Variants in THEMIS2 observed in about 807,000 individuals in gnomAD.
THEMIS2 encodes the protein thymocyte selection associated family member 2.
Under a neutral mutation model 46.8 loss-of-function variants are expected in THEMIS2, and 29 were observed. The ratio of observed to expected loss-of-function variants is 0.62; its 90% CI spans 0.46 to 0.84. The LOEUF (loss-of-function observed/expected upper bound fraction) is 0.84, where lower values mean the gene tolerates loss of function less well. Among genes scored for constraint, THEMIS2 ranks in the 40% least tolerant of loss-of-function variants. The probability of loss-of-function intolerance (pLI) is 0.00; values close to 1 mark genes in which losing one functional copy is unlikely to be tolerated. For synonymous variants in THEMIS2, 335 were observed against 349.1 expected, an observed-to-expected ratio of 0.96 and a Z score of 0.45; for missense variants, 698 against 834.7, an observed-to-expected ratio of 0.84 and a Z score of 2.02.
rs757941847 is a variant in THEMIS2, at chr1:27,879,903, G to T, written c.495G>T (p.Gly165=). The change falls in exon 3 of 6, where the codon GGG becomes GGT. Residue 165 remains glycine (G), a synonymous_variant. Coordinates refer to ENST00000373921, the MANE Select transcript of THEMIS2 (RefSeq NM_001105556.3). ...TGCACCTGCCCCTATCCCAGAAGGG[G>T]CCCTTCTGGACATGGGAGCCTAGTG... The part of the protein sequence containing the change: ...VILHLPLSQK[G]PFWTWEPSAP... 9 of 1,611,916 alleles carry T rather than the reference G, an allele frequency of 5.6e-6. No homozygotes were observed. Among genetic ancestry groups the T allele is most frequent in the Non-Finnish European group, 7.6e-6 (9 of 1,179,052 alleles).
intron 3 of THEMIS2, among the ~76,000 whole-genome samples, chr1:27,881,504 T>G (rs1348122460): frequency 6.7e-6 from 1 of 149,392 alleles, no homozygotes; most frequent in Non-Finnish European, 1.5e-5. Flanking sequence ...TGGCGTAGTG[T>G]AAATTGGAAG....
Position 27,882,481 on chromosome 1 carries a change from A to T in THEMIS2, c.1157A>T (p.Gln386Leu). 1.2e-6 allele frequency: 2 copies of T among 1,613,302 alleles called. No individual in the cohort carries two copies. The highest frequency in any genetic ancestry group is 1.7e-6 in the Non-Finnish European group (2 of 1,179,368). ...VLGPGQAHGAQGSDVDVLVCQ... is the reference protein window; with the variant it reads ...VLGPGQAHGALGSDVDVLVCQ... ...GGGCCTGGCCAGGCCCATGGGGCCC[A>T]GGGCAGTGACGTGGATGTCTTGGTT... The change falls in exon 4 of 6, where the codon CAG (glutamine) becomes CTG (leucine). Residue 386 changes from glutamine to leucine, a missense_variant. Physicochemically the swap from Gln to Leu is moderately radical, Grantham distance 113 (BLOSUM62 -2). Coordinates refer to ENST00000373921, the MANE Select transcript of THEMIS2 (RefSeq NM_001105556.3). This position sits in a 1 kb window ranked among gnomAD's most constrained non-coding sequence, Gnocchi z 7.6.
rs182323373 is a variant in THEMIS2, at chr1:27,874,096, G to A, written c.94+1431G>A. Among the ~76,000 whole-genome samples, 42 of 143,890 alleles carry A rather than the reference G, an allele frequency of 2.9e-4. 2 individuals are homozygous for A. The Admixed American group carries it at 2.9e-3, about 10-fold the overall frequency. The allele number at this position is 143,890 out of a possible 152,430, so 94.4% of individuals were successfully genotyped here. ...TGCCCAGGCTGGAGTGCAGTGGCAC[G>A]ATACAGCTCACTGCGGCCTCGACCT... is the stretch of plus-strand genomic sequence containing the variant. On this transcript the variant is annotated intron_variant, in intron 1 of 5. Transcript: ENST00000373921.
At chr1:27,873,979 C>T (rs1015719395) in intron 1 of THEMIS2, among the ~76,000 whole-genome samples, 1 of 144,128 alleles carries the variant, frequency 6.9e-6, no homozygotes, top group Non-Finnish European at 1.5e-5. Flanking sequence ...GGGCTGGCTG[C>T]GTGGTTGGTT....
chr1:27,885,889 A>G lies in THEMIS2; in HGVS notation c.1899A>G (p.Glu633=), dbSNP rs2089762937. Residue 633 remains glutamate, a synonymous_variant, in exon 6 of 6, where the codon GAA becomes GAG. Coordinates refer to ENST00000373921, the MANE Select transcript of THEMIS2 (RefSeq NM_001105556.3). ...QDLDDDEHDY[E]EILEQFQKTI is the part of the protein sequence containing the mutation. The stretch of plus-strand genomic sequence containing the variant: ...CAGATGATGATGAACATGATTATGA[A>G]GAAATACTTGAGCAATTTCAGAAAA... 1 of 1,613,964 alleles carries G rather than the reference A, an allele frequency of 6.2e-7. No individual in the cohort carries two copies. Among genetic ancestry groups the G allele is most frequent in the Non-Finnish European group, 8.5e-7 (1 of 1,180,028 alleles).
At chr1:27,877,819 T>G (rs1196448668) in intron 2 of THEMIS2, among the ~76,000 whole-genome samples, 2 of 152,066 alleles carry the variant, frequency 1.3e-5, no homozygotes, top group Non-Finnish European at 2.9e-5. Flanking sequence ...GAGGATGAAA[T>G]GAGCTGATAT....
chr1:27,885,405 CCACAGGAAGGGCCACAGG>C lies in THEMIS2; in HGVS notation c.1832_1849del (p.His611_Arg616del). The C allele has an allele frequency of 6.2e-7, 1 of 1,614,152 alleles. No individual in the cohort carries two copies. The highest frequency in any genetic ancestry group is 8.5e-7 in the Non-Finnish European group (1 of 1,180,020). On this transcript the variant is annotated inframe_deletion, in exon 5 of 6. Transcript: ENST00000373921. ...CCAGTACGTACAGCAAGATTCCTGC[CCACAGGAAGGGCCACAGG>C]CCCGCTAAGCCCCAAAGGCAGGATC... is the stretch of plus-strand genomic sequence containing the variant.
chr1:27,877,138 G>A (rs1557447307), intron 2 of THEMIS2, among the ~76,000 whole-genome samples: 1 of 152,144 alleles, frequency 6.6e-6, no homozygotes, highest in Non-Finnish European at 1.5e-5. Context: ...ACAGTGAGAG[G>A]AGGCCAACAG....
At position 27,872,697 on chromosome 1, in the gene THEMIS2, C is replaced by G; in HGVS notation, c.94+32C>G. 1.6e-6 allele frequency: 2 copies of G among 1,277,310 alleles called. No homozygotes were observed. Among genetic ancestry groups the G allele is most frequent in the Non-Finnish European group, 2.0e-6 (2 of 1,006,406 alleles). 79.1% of individuals were successfully genotyped at this position (1,277,310 alleles called of 1,614,324 possible). A position where few individuals can be genotyped will look rare whatever the true frequency, so the allele number is the denominator to read the frequency against. On this transcript the variant is annotated intron_variant, in intron 1 of 5. Coordinates refer to ENST00000373921, the MANE Select transcript of THEMIS2 (RefSeq NM_001105556.3). The surrounding 1 kb of genome is among the most constrained non-coding windows in gnomAD (Gnocchi z 4.9). ...GGGGGCTGGAACCCCTCCGAGCACT[C>G]CCTTGGTGTGGGGCGGGGGCAGAGA...
chr1:27,886,521 AG>A lies in THEMIS2; in HGVS notation c.*601del, dbSNP rs35796206. On this transcript the variant is annotated 3_prime_UTR_variant, in exon 6 of 6. Coordinates refer to ENST00000373921, the MANE Select transcript of THEMIS2 (RefSeq NM_001105556.3). ...GGCCCCAAAAGCTGGTGGTGAAATG[AG>A]GAGGAGCCAATTTAAGAAGACCCTT... The A allele has an allele frequency of 0.46, 69,495 of 151,966 alleles. 16,844 individuals are homozygous for A. Among genetic ancestry groups the A allele is most frequent in the African/African-American group, 0.63 (25,995 of 41,376 alleles). 9.4% of individuals were successfully genotyped at this position (151,966 alleles called of 1,614,324 possible). A position where few individuals can be genotyped will look rare whatever the true frequency, so the allele number is the denominator to read the frequency against.
chr1:27,873,456 G>A (rs1557444281), intron 1 of THEMIS2, among the ~76,000 whole-genome samples: 2 of 152,130 alleles, frequency 1.3e-5, no homozygotes, highest in East Asian at 1.9e-4. Context: ...ATGCTGTGTG[G>A]GGGTGCGGGT....
chr1:27,876,617 T>G lies in THEMIS2; in HGVS notation c.124T>G (p.Cys42Gly), dbSNP rs1431905729. 1 of 1,613,896 alleles carries G rather than the reference T, an allele frequency of 6.2e-7. No homozygotes were observed. The highest frequency in any genetic ancestry group is 1.1e-5 in the South Asian group (1 of 91,046). The change falls in exon 2 of 6, where the codon TGC (cysteine) becomes GGC (glycine). Residue 42 changes from cysteine to glycine, a missense_variant. By Grantham distance (159) the Cys-to-Gly change is radical. Coordinates refer to ENST00000373921, the MANE Select transcript of THEMIS2 (RefSeq NM_001105556.3). ...GSIYEISGNE[C>G]CLSTGDLIKV... is the part of the protein sequence containing the mutation. ...CATCTATGAGATCTCTGGGAATGAG[T>G]GCTGCCTCTCCACGGGGGACCTGAT...
chr1:27,874,033 G>T (rs2089534100), intron 1 of THEMIS2, among the ~76,000 whole-genome samples: 1 of 97,132 alleles, frequency 1.0e-5, no homozygotes, highest in Admixed American at 1.2e-4. Flanking sequence ...TTCAACCTAG[G>T]TTTTTTTTTT....
intron 2 of THEMIS2, among the ~76,000 whole-genome samples, 159 bp from the exon 3 acceptor site, chr1:27,879,485 G>A (rs2089640291): frequency 6.6e-6 from 1 of 152,010 alleles, no homozygotes; most frequent in Non-Finnish European, 1.5e-5. Context: ...CCTCAGCCCT[G>A]CAGCCCAGAT....
intron 2 of THEMIS2, among the ~76,000 whole-genome samples, chr1:27,877,757 C>A (rs2089607511): frequency 6.6e-6 from 1 of 152,174 alleles, no homozygotes. Flanking sequence ...TCTCTGGGAC[C>A]TCCCTGGGCC....
At chr1:27,881,866 A>C (rs1179816554) in intron 3 of THEMIS2, 105 bp from the exon 4 acceptor site, 50 of 809,038 alleles carry the variant, frequency 6.2e-5, no homozygotes, top group Non-Finnish European at 8.9e-5. Flanking sequence ...GAAAGAAAAG[A>C]CAGCAGCGGG....
At position 27,876,678 on chromosome 1, in the gene THEMIS2, G is replaced by C. The variant is rs2089586349; in HGVS notation, c.185G>C (p.Cys62Ser). 1 of 1,613,944 alleles carries C rather than the reference G, an allele frequency of 6.2e-7. No individual in the cohort carries two copies. Among genetic ancestry groups the C allele is most frequent in the Admixed American group, 1.7e-5 (1 of 60,002 alleles). Reference protein sequence around the residue: ...VTQVRLQKVVCENPKTSQTME... With the variant: ...VTQVRLQKVVSENPKTSQTME... ...CAGGTCCGCCTCCAGAAGGTGGTCT[G>C]TGAGAACCCGAAGACCAGCCAGACC... The change falls in exon 2 of 6, where the codon TGT (cysteine) becomes TCT (serine). Residue 62 changes from cysteine to serine, a missense_variant. By Grantham distance (112) the Cys-to-Ser change is moderately radical. Transcript: ENST00000373921.
intron 2 of THEMIS2, among the ~76,000 whole-genome samples, chr1:27,877,563 G>A (rs1323661018): frequency 2.6e-5 from 4 of 152,008 alleles, no homozygotes; most frequent in East Asian, 2.0e-4. Context: ...TCCTGACCTC[G>A]TGATCTGCCC....
Position 27,886,048 on chromosome 1 carries a change from T to A in THEMIS2, c.*126T>A. 1 of 821,902 alleles carries A rather than the reference T, an allele frequency of 1.2e-6. No individual in the cohort carries two copies. The highest frequency in any genetic ancestry group is 2.6e-5 in the East Asian group (1 of 38,660). 50.9% of individuals were successfully genotyped at this position (821,902 alleles called of 1,614,324 possible). A position where few individuals can be genotyped will look rare whatever the true frequency, so the allele number is the denominator to read the frequency against. ...ACTGAGCTGCAGACGGGGAGTAGCT[T>A]TGTGGAAACTGATTTGATGGACACT... is the stretch of plus-strand genomic sequence containing the variant. On this transcript the variant is annotated 3_prime_UTR_variant, in exon 6 of 6. Transcript: ENST00000373921.
Sources: allele counts gnomAD v4.1 joint callset (sites outside exome capture counted in the v4.1 genomes callset), GRCh38; gene constraint gnomAD v4.1.1; non-coding constraint Gnocchi (gnomAD v3.1); transcripts MANE v1.5; gene names NCBI Gene and HGNC (gene_info 2026-07-23, HGNC 2026-07-21).